The following STXBP4 variants were observed in gnomAD, a reference collection of about 807,000 sequenced individuals.
The protein encoded by STXBP4 is syntaxin-binding protein 4.
In STXBP4, 55 loss-of-function variants were observed where a neutral mutation model predicts 76.1. The ratio of observed to expected loss-of-function variants is 0.72; its 90% confidence interval spans 0.58 to 0.91. The LOEUF is 0.91. Ranked by LOEUF, STXBP4 falls within the 40% of genes least tolerant of loss-of-function variation. The pLI is 0.00. For missense variants in STXBP4, 618 were observed against 636.9 expected (o/e 0.97, Z 0.32); for synonymous variants, 201 against 220.2 (o/e 0.91, Z 0.77).
At chr17:54,973,785 T>C (rs2077432181) in intron 1 of STXBP4, among the ~76,000 whole-genome samples, 1 of 152,172 alleles carries the variant, frequency 6.6e-6, no homozygotes, top group South Asian at 2.1e-4. Context: ...TAGGTAGAGG[T>C]GTTAATTACA....
chr17:55,206,334 C>G, the STXBP4 span, among the ~76,000 whole-genome samples: 12 of 152,176 alleles, frequency 7.9e-5, 1 homozygote, highest in African/African-American at 2.9e-4. Context: ...CAGGCAAATC[C>G]CAAAGCTTCT....
chr17:55,116,395 A>G (rs189633279), intron 16 of STXBP4, among the ~76,000 whole-genome samples: 1 of 151,820 alleles, frequency 6.6e-6, no homozygotes, highest in Admixed American at 6.6e-5. Flanking sequence ...TGTACCAGGC[A>G]TCTCTTCTAT....
chr17:55,014,731 G>A (rs1349455210), intron 8 of STXBP4, among the ~76,000 whole-genome samples: 1 of 152,170 alleles, frequency 6.6e-6, no homozygotes, highest in Non-Finnish European at 1.5e-5. Flanking sequence ...GCCTTCCAGT[G>A]ATTCCCTTGA....
chr17:55,062,603 G>C (rs1034879344), intron 12 of STXBP4, among the ~76,000 whole-genome samples: 1 of 152,058 alleles, frequency 6.6e-6, no homozygotes, highest in Non-Finnish European at 1.5e-5. Flanking sequence ...TAATCCTTTA[G>C]GTATATAACC....
At chr17:55,052,132 C>A (rs527260550) in intron 12 of STXBP4, among the ~76,000 whole-genome samples, 1 of 152,220 alleles carries the variant, frequency 6.6e-6, no homozygotes, top group Admixed American at 6.5e-5. Context: ...ATTACTATAT[C>A]TAAGTGTCCA....
chr17:55,199,565 A>G, the STXBP4 span, among the ~76,000 whole-genome samples: 7 of 152,334 alleles, frequency 4.6e-5, no homozygotes, highest in South Asian at 2.1e-4. Flanking sequence ...CCTGTTTTCA[A>G]TTTAAACTTC....
At chr17:55,208,604 A>AGGAAGGAAGGAAGGAAGGAAGGAAGGAC in the STXBP4 span, among the ~76,000 whole-genome samples, 1 of 148,248 alleles carries the variant, frequency 6.7e-6, no homozygotes, top group Non-Finnish European at 1.5e-5. Flanking sequence ...GAAGGAAGGA[A>AGGAAGGAAGGAAGGAAGGAAGGAAGGAC]GGAAAGAGAG....
At chr17:55,032,075 A>G (rs1019971423) in intron 9 of STXBP4, among the ~76,000 whole-genome samples, 3 of 152,166 alleles carry the variant, frequency 2.0e-5, no homozygotes, top group Non-Finnish European at 4.4e-5. Context: ...AATGATTTGG[A>G]CTTTTGATAC....
intron 16 of STXBP4, among the ~76,000 whole-genome samples, chr17:55,131,940 A>G (rs1373472326): frequency 6.6e-6 from 1 of 150,926 alleles, no homozygotes; most frequent in Non-Finnish European, 1.5e-5. Flanking sequence ...TTTTTTGCAT[A>G]TTTTTTTCCT....
intron 8 of STXBP4, among the ~76,000 whole-genome samples, chr17:55,012,626 G>A (rs2078135158): frequency 6.6e-6 from 1 of 152,164 alleles, no homozygotes; most frequent in Non-Finnish European, 1.5e-5. Flanking sequence ...CATACTCAGA[G>A]TCTGTATATA....
chr17:55,142,279 A>C (rs1424614099), intron 17 of STXBP4, among the ~76,000 whole-genome samples: 2 of 152,194 alleles, frequency 1.3e-5, no homozygotes, highest in Non-Finnish European at 2.9e-5. Context: ...TTTCGAGAGC[A>C]CAAAGGGGAA....
rs548491739 is a variant in STXBP4, at chr17:55,019,446, T to C, written c.667-11722T>C. On this transcript the variant is annotated intron_variant, in intron 8 of 17. Coordinates refer to ENST00000376352, the MANE Select transcript of STXBP4 (RefSeq NM_178509.6). ...CTACAATACATTAATTCTGATCCCC[T>C]GCTTCTCAATTTGTATACCTGTAAT... Among the ~76,000 whole-genome samples, 44 of 152,326 alleles carry C rather than the reference T, an allele frequency of 2.9e-4. 1 individual carries two copies. The highest frequency in any genetic ancestry group is 6.8e-3 in the Middle Eastern group (2 of 294).
intron 3 of STXBP4, among the ~76,000 whole-genome samples, chr17:54,988,729 A>ACGGCACTGCACT (rs1489619403): frequency 3.9e-5 from 6 of 152,104 alleles, no homozygotes; most frequent in Non-Finnish European, 8.8e-5. Context: ...AGCTGAGATC[A>ACGGCACTGCACT]CGCCACTGCA....
intron 12 of STXBP4, among the ~76,000 whole-genome samples, chr17:55,054,528 A>T (rs1470406698): frequency 2.0e-5 from 3 of 152,122 alleles, no homozygotes; most frequent in African/African-American, 4.8e-5. Context: ...TGGCCTAAGG[A>T]TAAGTGCAGT....
chr17:55,173,825 A>G (rs1318524747), downstream of STXBP4, among the ~76,000 whole-genome samples: 1 of 152,238 alleles, frequency 6.6e-6, no homozygotes, highest in East Asian at 1.9e-4. Context: ...GGCTAAATTC[A>G]AATTATCAGC....
intron 12 of STXBP4, among the ~76,000 whole-genome samples, chr17:55,071,988 C>G (rs1463642828): frequency 6.6e-6 from 1 of 152,114 alleles, no homozygotes; most frequent in African/African-American, 2.4e-5. Context: ...TGACCCAGTA[C>G]CAAGGTACAT....
the STXBP4 span, among the ~76,000 whole-genome samples, chr17:55,180,840 A>G: frequency 6.6e-6 from 1 of 152,198 alleles, no homozygotes; most frequent in Non-Finnish European, 1.5e-5. Context: ...AGGAAAGACC[A>G]TTTTAGGCAT....
In STXBP4 at chr17:55,161,452, A is replaced by G. The variant is rs1046253303; in HGVS notation, c.*1541A>G. ...TGAGGTATTCTATAAGTTAGTGTCT[A>G]TAATTGTGAAAGTACAAACTTCTTG... On this transcript the variant is annotated 3_prime_UTR_variant, in exon 18 of 18. Coordinates refer to ENST00000376352, the MANE Select transcript of STXBP4 (RefSeq NM_178509.6). The G allele has an allele frequency of 6.6e-6, 1 of 152,238 alleles. No individual in the cohort carries two copies. The highest frequency in any genetic ancestry group is 6.5e-5 in the Admixed American group (1 of 15,284). 9.4% of individuals were successfully genotyped at this position (152,238 alleles called of 1,614,324 possible). A position where few individuals can be genotyped will look rare whatever the true frequency, so the allele number is the denominator to read the frequency against.
At chr17:55,127,576 A>T (rs954376177) in intron 16 of STXBP4, among the ~76,000 whole-genome samples, 4 of 152,138 alleles carry the variant, frequency 2.6e-5, no homozygotes, top group Non-Finnish European at 5.9e-5. Context: ...GAAAAAGCAA[A>T]ATTGGGGTCA....
Sources: gnomAD v4.1 joint callset for allele counts (sites outside exome capture counted in the v4.1 genomes callset) on GRCh38, gnomAD v4.1.1 for gene constraint, MANE v1.5 for transcripts, NCBI Gene and HGNC (gene_info 2026-07-23, HGNC 2026-07-21) for gene names.